POLG: variants seen among roughly 807,000 people sequenced by gnomAD.
POLG encodes the protein DNA polymerase subunit gamma-1.
In POLG, 110 loss-of-function variants were observed where a neutral mutation model predicts 155.4. The ratio of observed to expected loss-of-function variants is 0.71; its 90% CI spans 0.61 to 0.83. The LOEUF (loss-of-function observed/expected upper bound fraction) is 0.83. Among genes scored for constraint, POLG ranks in the 40% least tolerant of loss-of-function variants. POLG has a pLI of 0.00. For missense variants in POLG, 1,685 were observed against 1,627.5 expected (o/e 1.04, Z -0.61); for synonymous variants, 701 against 631.5 (o/e 1.11, Z -1.65).
rs2055564394 is a variant in POLG, at chr15:89,329,240, C to T, written c.856-130G>A. 5.5e-6 allele frequency: 4 copies of T among 728,198 alleles called. No homozygotes were observed. In the South Asian group the frequency reaches 6.4e-5, roughly 12 times the overall value. 45.1% of individuals were successfully genotyped at this position (728,198 alleles called of 1,614,324 possible). A position where few individuals can be genotyped will look rare whatever the true frequency, so the allele number is the denominator to read the frequency against. ...TCAAACAGCCTCCCCTCCCAGCACA[C>T]AGCCTTCAACACCAAATACAGAATC... On this transcript the variant is annotated intron_variant, in intron 3 of 22. Transcript: ENST00000268124.
intron 14 of POLG, 142 bp from the exon 15 acceptor site, chr15:89,322,157 C>A (rs1218522598): frequency 4.9e-6 from 4 of 818,016 alleles, no homozygotes; most frequent in Non-Finnish European, 8.4e-6. Context: ...AAGGTGAGCC[C>A]TGGCTCAGCC....
chr15:89,328,732 C>T lies in POLG; in HGVS notation c.1123G>A (p.Glu375Lys). ...GGPPLEKEPR[E>K]LFVKGTMKDI... Reference sequence around the variant, plus strand: ...TTCATGGTGCCCTTCACAAACAGTTCTCGAGGCTCCTTCTCTAAGGGAGGC... The same window carrying T: ...TTCATGGTGCCCTTCACAAACAGTTTTCGAGGCTCCTTCTCTAAGGGAGGC... Residue 375 changes from glutamate (E) to lysine (K), a missense_variant, in exon 5 of 23, where the codon GAA becomes AAA. Glu to Lys is a moderately conservative substitution (Grantham distance 56). Around this residue, in one of 3 missense-constraint regions of POLG, gnomAD observed 1,210 missense variants for 1,167.1 expected, o/e 1.04. Transcript: ENST00000268124. 1 of 1,614,176 alleles carries T rather than the reference C, an allele frequency of 6.2e-7. No homozygotes were observed. The highest frequency in any genetic ancestry group is 8.5e-7 in the Non-Finnish European group (1 of 1,180,036).
At position 89,325,151 on chromosome 15, in the gene POLG, T is replaced by TGAGA. The variant is rs1326068362; in HGVS notation, c.1949+298_1949+299insTCTC. On this transcript the variant is annotated intron_variant, in intron 10 of 22. Coordinates refer to ENST00000268124, the MANE Select transcript of POLG (RefSeq NM_002693.3). ...GTGAGAGAGTGAGTGAGAGAGTGAG[T>TGAGA]GAGTGAGTGAGTGAGTGAGAGAGTG... is the stretch of plus-strand genomic sequence containing the variant. Among the ~76,000 whole-genome samples the TGAGA allele has an allele frequency of 1.4e-4, 6 of 42,206 alleles. 1 individual carries two copies. The highest frequency in any genetic ancestry group is 6.9e-4 in the South Asian group (1 of 1,456). The allele number at this position is 42,206 out of a possible 152,430, so 27.7% of individuals were successfully genotyped here.
At chr15:89,319,472 TA>T in intron 18 of POLG, 122 bp from the exon 19 acceptor site, 1 of 1,328,780 alleles carries the variant, frequency 7.5e-7, no homozygotes, top group Non-Finnish European at 1.0e-6. Context: ...GCCAGTCCCC[TA>T]AAGGCTTTTA....
In POLG at chr15:89,321,722, CAG is replaced by C; in HGVS notation, c.2598+12_2598+13del. ...AGAGGAAGAGCAGGGGCCAGAGGTA[CAG>C]AGGTCACATACCCGGGCATTGCTGG... On this transcript the variant is annotated intron_variant, in intron 16 of 22. Transcript: ENST00000268124. The C allele has an allele frequency of 6.3e-7, 1 of 1,579,966 alleles. No homozygotes were observed.
Position 89,319,351 on chromosome 15 carries a change from C to T in POLG, c.2982-1G>A. The T allele has an allele frequency of 6.2e-7, 1 of 1,613,876 alleles. No homozygotes were observed. Among genetic ancestry groups the T allele is most frequent in the Non-Finnish European group, 8.5e-7 (1 of 1,180,018 alleles). ...CTCGCCCTCATCCGACAGCCGATAC[C>T]TGGGGGCAGTGTTATCACCATCATT... On this transcript the variant is annotated splice_acceptor_variant, in intron 18 of 22. Coordinates refer to ENST00000268124, the MANE Select transcript of POLG (RefSeq NM_002693.3). LOFTEE classifies it high-confidence loss of function.
rs767285143 is a variant in POLG, at chr15:89,321,722, C to T, written c.2598+14G>A. 5 of 1,579,848 alleles carry T rather than the reference C, an allele frequency of 3.2e-6. No homozygotes were observed. In the African/African-American group the frequency reaches 5.4e-5, roughly 17 times the overall value. ...AGAGGAAGAGCAGGGGCCAGAGGTA[C>T]AGAGGTCACATACCCGGGCATTGCT... On this transcript the variant is annotated intron_variant, in intron 16 of 22. Coordinates refer to ENST00000268124, the MANE Select transcript of POLG (RefSeq NM_002693.3).
intron 18 of POLG, among the ~76,000 whole-genome samples, 155 bp downstream of exon 18, chr15:89,320,611 A>G (rs1460682781): frequency 6.6e-6 from 1 of 152,252 alleles, no homozygotes; most frequent in Non-Finnish European, 1.5e-5. Context: ...CAATAGGACA[A>G]ATCATCCTGG....
At chr15:89,326,051 C>G (rs1351586425) in intron 9 of POLG, among the ~76,000 whole-genome samples, 1 of 152,196 alleles carries the variant, frequency 6.6e-6, no homozygotes, top group Non-Finnish European at 1.5e-5. Context: ...ACCAGTCCTT[C>G]TGGGTGCTCT....
intron 20 of POLG, 56 bp from the exon 21 acceptor site, chr15:89,318,805 C>G (rs1288250834): frequency 6.4e-7 from 1 of 1,565,062 alleles, no homozygotes; most frequent in South Asian, 1.1e-5. Flanking sequence ...CCAATTAACT[C>G]CAGGGTAGAA....
In POLG at chr15:89,328,479, C is replaced by T; in HGVS notation, c.1227G>A (p.Gln409=). 6.2e-7 allele frequency: 1 copy of T among 1,613,842 alleles called. No homozygotes were observed. The highest frequency in any genetic ancestry group is 8.5e-7 in the Non-Finnish European group (1 of 1,179,910). ...DVWATHEVFQ[Q]QLPLFLERCP... is the part of the protein sequence containing the mutation. The stretch of plus-strand genomic sequence containing the variant: ...ACCTCTCCAAGAAGAGCGGTAGCTG[C>T]TGCTGGAAAACCTCATGGGTGGCCC... The change falls in exon 6 of 23, where the codon CAG becomes CAA. Residue 409 remains glutamine, a synonymous_variant. Coordinates refer to ENST00000268124, the MANE Select transcript of POLG (RefSeq NM_002693.3).
chr15:89,316,821 G>A lies in POLG; in HGVS notation c.3650C>T (p.Ala1217Val), dbSNP rs199751339. The change falls in exon 23 of 23, where the codon GCG becomes GTG. Residue 1217 changes from alanine (A) to valine (V), a missense_variant. By Grantham distance (64) the Ala-to-Val change is moderately conservative. Around this residue, in one of 3 missense-constraint regions of POLG, gnomAD observed 470 missense variants for 439.9 expected, o/e 1.07. Coordinates refer to ENST00000268124, the MANE Select transcript of POLG (RefSeq NM_002693.3). The stretch of plus-strand genomic sequence containing the variant: ...TTCAATTATCTGGTAAATATCCAGC[G>A]CTTCACCTGAAAGATAGTGCAAATT... ...ERRYGIPQGEALDIYQIIELT... is the reference protein window; with the variant it reads ...ERRYGIPQGEVLDIYQIIELT... 137 of 1,612,804 alleles carry A rather than the reference G, an allele frequency of 8.5e-5. No homozygotes were observed. The East Asian group carries it at 1.2e-3, about 14-fold the overall frequency.
intron 10 of POLG, among the ~76,000 whole-genome samples, chr15:89,325,043 AGTGAGT>A (rs1214329057): frequency 0.021 from 2,708 of 127,972 alleles, 426 homozygotes; most frequent in African/African-American, 0.1. Flanking sequence ...CCAGAGAGTG[AGTGAGT>A]GAGTGAGAGA....
At chr15:89,326,527 C>G (rs2152066567) in intron 9 of POLG, 85 bp downstream of exon 9, 5 of 1,475,590 alleles carry the variant, frequency 3.4e-6, no homozygotes, top group Non-Finnish European at 4.7e-6. Flanking sequence ...CATGATGCCT[C>G]TGTGCCAGAA....
chr15:89,319,042 C>T lies in POLG; in HGVS notation c.3162G>A (p.Glu1054=), dbSNP rs757263896. ...TCTCAAGCTTATTGAACATTTCTGA[C>T]TCTGTGCCCCCCTTCCATGCCCGTT... ...VAERAWKGGT[E]SEMFNKLESI... Residue 1054 remains glutamate, a synonymous_variant, in exon 20 of 23, where the codon GAG becomes GAA. Transcript: ENST00000268124. 8.1e-6 allele frequency: 13 copies of T among 1,614,178 alleles called. No individual in the cohort carries two copies. Among genetic ancestry groups the T allele is most frequent in the African/African-American group, 1.3e-5 (1 of 75,048 alleles).
intron 1 of POLG, 83 bp downstream of exon 1, chr15:89,334,590 G>C (rs1403369025): frequency 1.3e-5 from 2 of 152,172 alleles, no homozygotes; most frequent in African/African-American, 2.4e-5. Flanking sequence ...GCCCTGCTCC[G>C]GGCCTCGCTC....
chr15:89,327,427 A>G, intron 6 of POLG, 78 bp from the exon 7 acceptor site: 1 of 1,355,126 alleles, frequency 7.4e-7, no homozygotes. Flanking sequence ...TGGTTTAGCA[A>G]GCCTCAACCC....
In POLG at chr15:89,325,586, G is replaced by A; in HGVS notation, c.1813C>T (p.Leu605Phe). ...TGCAGAGGGAAGCCATCCCAGGTAA[G>A]TGCCATGAGTTTAGGTGTGACCCGC... ...QMRVTPKLMA[L>F]TWDGFPLHYS... The change falls in exon 10 of 23, where the codon CTT becomes TTT. Residue 605 changes from leucine to phenylalanine, a missense_variant. Coordinates refer to ENST00000268124, the MANE Select transcript of POLG (RefSeq NM_002693.3). The A allele has an allele frequency of 1.2e-6, 2 of 1,613,818 alleles. No individual in the cohort carries two copies. Among genetic ancestry groups the A allele is most frequent in the Admixed American group, 1.7e-5 (1 of 60,028 alleles).
intron 11 of POLG, 79 bp downstream of exon 11, chr15:89,324,028 C>A: frequency 6.3e-7 from 1 of 1,595,850 alleles, no homozygotes; most frequent in Non-Finnish European, 8.6e-7. Flanking sequence ...GCCAGCCTCC[C>A]ACCCAAAGGC....
Sources: gnomAD v4.1 joint callset for allele counts (sites outside exome capture counted in the v4.1 genomes callset) on GRCh38, gnomAD v4.1.1 for gene constraint, gnomAD v4.1.1 regional missense constraint, MANE v1.5 for transcripts, NCBI Gene and HGNC (gene_info 2026-07-23, HGNC 2026-07-21) for gene names.